Variants in FYCO1 observed in about 807,000 individuals in gnomAD.
The protein encoded by FYCO1 is FYVE and coiled-coil domain autophagy adaptor 1.
A neutral mutation model predicts 165.1 loss-of-function variants in FYCO1; 122 were observed. The ratio of observed to expected loss-of-function variants is 0.74; its 90% CI spans 0.64 to 0.86. The LOEUF is 0.86. FYCO1 is among the 40% of genes least tolerant of loss of function. The pLI, the probability that FYCO1 is intolerant of heterozygous loss-of-function variation, is 0.00. For synonymous variants in FYCO1, 648 were observed against 742.5 expected (o/e 0.87, Z 2.07); for missense variants, 1,702 against 1,810.3 (o/e 0.94, Z 1.09).
rs1705864620 is a variant in FYCO1 at position 45,964,272 on chromosome 3, T to G, written c.3269+64A>C. The stretch of plus-strand genomic sequence containing the variant: ...TAATATGAGTGACTGACTTTCTAAA[T>G]GACGAGACCAAACACTCCTTCCCTG... On this transcript the variant is annotated intron_variant, in intron 10 of 17. Transcript: ENST00000296137. This position sits in a 1 kb window ranked among gnomAD's most constrained non-coding sequence, Gnocchi z 4.1. 12 of 1,258,018 alleles carry G rather than the reference T, an allele frequency of 9.5e-6. 1 individual carries two copies. The South Asian group carries it at 1.2e-4, about 13-fold the overall frequency. The allele number at this position is 1,258,018 out of a possible 1,614,324, so 77.9% of individuals were successfully genotyped here. A position where few individuals can be genotyped will look rare whatever the true frequency, so the allele number is the denominator to read the frequency against.
At chr3:45,995,568 G>T (rs1366095917) in intron 1 of FYCO1, among the ~76,000 whole-genome samples, 154 bp downstream of exon 1, 1 of 152,210 alleles carries the variant, frequency 6.6e-6, no homozygotes, top group Non-Finnish European at 1.5e-5. Context: ...GGGCAAGGAC[G>T]GGGGCGCTCG....
At chr3:45,943,735 A>G (rs1462530726) in intron 14 of FYCO1, among the ~76,000 whole-genome samples, 1 of 152,162 alleles carries the variant, frequency 6.6e-6, no homozygotes, top group East Asian at 1.9e-4. Context: ...AAACATGAAA[A>G]CTACTGAACA....
chr3:45,932,363 C>T (rs895696664), intron 15 of FYCO1, among the ~76,000 whole-genome samples: 1 of 152,220 alleles, frequency 6.6e-6, no homozygotes. Flanking sequence ...CATCATAGGC[C>T]ACGCCCTGTG....
chr3:45,962,411 G>A lies in FYCO1; in HGVS notation c.3270-19C>T, dbSNP rs1205703512. On this transcript the variant is annotated intron_variant, in intron 10 of 17. Coordinates refer to ENST00000296137, the MANE Select transcript of FYCO1 (RefSeq NM_024513.4). This position sits in a 1 kb window ranked among gnomAD's most constrained non-coding sequence, Gnocchi z 4.4. Reference sequence around the variant, plus strand: ...CTGGGTCCTGGGGGAGGAGTGGTAAGTTTTCTTGATTAGCCAGGACTTCCA... The same window carrying A: ...CTGGGTCCTGGGGGAGGAGTGGTAAATTTTCTTGATTAGCCAGGACTTCCA... The A allele has an allele frequency of 6.2e-7, 1 of 1,613,478 alleles. No individual in the cohort carries two copies. The highest frequency in any genetic ancestry group is 2.2e-5 in the East Asian group (1 of 44,884).
Position 45,958,505 on chromosome 3 carries a change from A to G in FYCO1, c.3702T>C (p.Pro1234=). The G allele has an allele frequency of 6.2e-7, 1 of 1,614,192 alleles. No homozygotes were observed. The highest frequency in any genetic ancestry group is 1.1e-5 in the South Asian group (1 of 91,086). The change falls in exon 13 of 18, where the codon CCT becomes CCC. Residue 1234 remains proline, a synonymous_variant. Coordinates refer to ENST00000296137, the MANE Select transcript of FYCO1 (RefSeq NM_024513.4). The part of the protein sequence containing the change: ...RACFQKLSEG[P]GSPDSSGSGT... ...CTGAGCCACTGCTATCAGGGGAGCCAGGGCCTTCACTGAGCTTCTGGAAAC... is the reference window on the plus strand; with the variant it reads ...CTGAGCCACTGCTATCAGGGGAGCCGGGGCCTTCACTGAGCTTCTGGAAAC...
Position 45,964,546 on chromosome 3 carries a change from C to T in FYCO1, c.3151-92G>A. 6.3e-7 allele frequency: 1 copy of T among 1,582,810 alleles called. No individual in the cohort carries two copies. The highest frequency in any genetic ancestry group is 8.6e-7 in the Non-Finnish European group (1 of 1,165,812). ...CTGGTGTGCCATCCACCCCATCTGG[C>T]TGGGTCACTTCTAAATGGAGGGTTG... is the stretch of plus-strand genomic sequence containing the variant. On this transcript the variant is annotated intron_variant, in intron 9 of 17. Coordinates refer to ENST00000296137, the MANE Select transcript of FYCO1 (RefSeq NM_024513.4). The surrounding 1 kb of genome is among the most constrained non-coding windows in gnomAD (Gnocchi z 4.1).
intron 16 of FYCO1, among the ~76,000 whole-genome samples, chr3:45,924,934 A>T (rs1703248698): frequency 1.2e-5 from 1 of 84,210 alleles, no homozygotes; most frequent in Non-Finnish European, 2.5e-5. Context: ...ACATTTAAAA[A>T]AAATTTTTTT....
intron 1 of FYCO1, among the ~76,000 whole-genome samples, chr3:45,989,334 A>G (rs902782767): frequency 3.3e-5 from 5 of 152,130 alleles, no homozygotes; most frequent in African/African-American, 1.2e-4. Flanking sequence ...AGCACACCCA[A>G]CGGCAACTAT....
At chr3:45,948,805 C>T (rs1445519118) in intron 14 of FYCO1, among the ~76,000 whole-genome samples, 1 of 152,180 alleles carries the variant, frequency 6.6e-6, no homozygotes, top group Non-Finnish European at 1.5e-5. Flanking sequence ...ATCCCTGCCA[C>T]TCACCAGTTT....
At chr3:45,991,021 A>G (rs1173426087) in intron 1 of FYCO1, among the ~76,000 whole-genome samples, 4 of 151,676 alleles carry the variant, frequency 2.6e-5, no homozygotes, top group Non-Finnish European at 4.4e-5. Flanking sequence ...CTCGTGATCC[A>G]CCCGCCTTGG....
At chr3:45,947,337 G>A (rs2125823795) in intron 14 of FYCO1, 1 of 1,614,172 alleles carries the variant, frequency 6.2e-7, no homozygotes, top group East Asian at 2.2e-5. Flanking sequence ...CCTTAACCCT[G>A]TGCTCTATGC....
At chr3:45,963,334 T>G (rs1042871668) in intron 10 of FYCO1, among the ~76,000 whole-genome samples, 1 of 152,216 alleles carries the variant, frequency 6.6e-6, no homozygotes, top group South Asian at 2.1e-4. Context: ...AAAAAACCAC[T>G]GTTTATCATG....
rs769077071 is a variant in FYCO1, at chr3:45,919,688, C to T, written c.*2077G>A. Reference sequence around the variant, plus strand: ...AGGTCATCAGCTTGGCCAGAGTCTCCGCAGTATCCTTGGAAAGCCAAGCAC... The same window carrying T: ...AGGTCATCAGCTTGGCCAGAGTCTCTGCAGTATCCTTGGAAAGCCAAGCAC... On this transcript the variant is annotated 3_prime_UTR_variant, in exon 18 of 18. Coordinates refer to ENST00000296137, the MANE Select transcript of FYCO1 (RefSeq NM_024513.4). 6.6e-5 allele frequency: 10 copies of T among 152,210 alleles called. No homozygotes were observed. The East Asian group carries it at 9.6e-4, about 15-fold the overall frequency. 9.4% of individuals were successfully genotyped at this position (152,210 alleles called of 1,614,324 possible).
chr3:45,934,490 C>T (rs953329816), intron 15 of FYCO1, among the ~76,000 whole-genome samples: 4 of 152,200 alleles, frequency 2.6e-5, no homozygotes, highest in Non-Finnish European at 2.9e-5. Context: ...TAGCAGCACA[C>T]ATATTTCAAA....
chr3:45,965,095 C>G lies in FYCO1; in HGVS notation c.3088G>C (p.Gly1030Arg). 6.2e-7 allele frequency: 1 copy of G among 1,614,004 alleles called. No homozygotes were observed. Among genetic ancestry groups the G allele is most frequent in the Non-Finnish European group, 8.5e-7 (1 of 1,180,002 alleles). ...NAGEECKSLR[G>R]QLEEQGRQLQ... is the part of the protein sequence containing the mutation. ...TGCCGGCCTTGCTCCTCAAGCTGGC[C>G]CCTGAGGCTCTTGCACTCTTCACCA... The change falls in exon 9 of 18, where the codon GGC becomes CGC. Residue 1030 changes from glycine (G) to arginine (R), a missense_variant. By Grantham distance (125) the Gly-to-Arg change is moderately radical. Transcript: ENST00000296137.
At chr3:45,936,360 G>A (rs565057139) in intron 15 of FYCO1, 88 bp downstream of exon 15, 4 of 840,610 alleles carry the variant, frequency 4.8e-6, no homozygotes, top group East Asian at 4.8e-5. Context: ...TAGAGCCCCC[G>A]AGGTGGTCCC....
Position 45,967,291 on chromosome 3 carries a change from C to T in FYCO1, c.2043G>A (p.Leu681=), listed in dbSNP as rs950774844. 3 of 1,613,986 alleles carry T rather than the reference C, an allele frequency of 1.9e-6. No homozygotes were observed. The highest frequency in any genetic ancestry group is 2.5e-6 in the Non-Finnish European group (3 of 1,179,928). The change falls in exon 8 of 18, where the codon TTG becomes TTA. Residue 681 remains leucine, a synonymous_variant. Coordinates refer to ENST00000296137, the MANE Select transcript of FYCO1 (RefSeq NM_024513.4). The part of the protein sequence containing the change: ...RHLGDQMEAS[L]LAVRKAKEAM... ...CCTCCTTGGCCTTCCTTACAGCCAG[C>T]AAGCTCGCCTCCATCTGGTCACCCA... is the stretch of plus-strand genomic sequence containing the variant.
Position 45,968,719 on chromosome 3 carries a change from CA to C in FYCO1, c.631-17del, listed in dbSNP as rs753342370. On this transcript the variant is annotated splice_polypyrimidine_tract_variant and intron_variant, in intron 7 of 17. Coordinates refer to ENST00000296137, the MANE Select transcript of FYCO1 (RefSeq NM_024513.4). ...TCTCTTGAGTCTGGGAGGGAAAACACAAAAGACAAGTGGCTTTAGGATGAAG... is the reference window on the plus strand; with the variant it reads ...TCTCTTGAGTCTGGGAGGGAAAACACAAAGACAAGTGGCTTTAGGATGAAG... 2 of 1,613,986 alleles carry C rather than the reference CA, an allele frequency of 1.2e-6. No individual in the cohort carries two copies. The highest frequency in any genetic ancestry group is 1.3e-5 in the African/African-American group (1 of 74,920).
intron 1 of FYCO1, among the ~76,000 whole-genome samples, chr3:45,988,596 T>G (rs776600865): frequency 2.0e-5 from 3 of 152,212 alleles, no homozygotes; most frequent in Non-Finnish European, 4.4e-5. Flanking sequence ...CAGTCCTTGT[T>G]GCACAACATG....
Sources: allele counts gnomAD v4.1 joint callset (sites outside exome capture counted in the v4.1 genomes callset), GRCh38; gene constraint gnomAD v4.1.1; non-coding constraint Gnocchi (gnomAD v3.1); transcripts MANE v1.5; gene names NCBI Gene and HGNC (gene_info 2026-07-23, HGNC 2026-07-21).